PRPSAP1: variants seen among roughly 807,000 people sequenced by gnomAD.
The protein encoded by PRPSAP1 is phosphoribosyl pyrophosphate synthetase associated protein 1.
In PRPSAP1, 31 loss-of-function variants were observed where a neutral mutation model predicts 39.4. The ratio of observed to expected loss-of-function variants is 0.79; its 90% confidence interval spans 0.59 to 1.06. The LOEUF is 1.06. Among genes scored for constraint, PRPSAP1 ranks in the 50% least tolerant of loss-of-function variants. The pLI is 0.00. For synonymous variants in PRPSAP1, 212 were observed against 192.6 expected (o/e 1.10, Z -0.83); for missense variants, 430 against 511.6 (o/e 0.84, Z 1.54).
intron 3 of PRPSAP1, among the ~76,000 whole-genome samples, chr17:76,337,769 TTAATTTTTTGTATTTTTAG>T (rs1371044885): frequency 1.3e-5 from 2 of 152,036 alleles, no homozygotes. Flanking sequence ...CCATGCCTGG[TTAATTTTTTGTATTTTTAG>T]TAGAGACGGG....
At position 76,348,587 on chromosome 17, in the gene PRPSAP1, G is replaced by A. The variant is rs141258587; in HGVS notation, c.171-6C>T. ...CCAATTCAGCACCAAGGCGCCTATA[G>A]ATCAAAAAGAACAAAAAAGGGAAAT... On this transcript the variant is annotated splice_polypyrimidine_tract_variant and splice_region_variant and intron_variant, in intron 1 of 9. Coordinates refer to ENST00000446526, the MANE Select transcript of PRPSAP1 (RefSeq NM_002766.3). 5,193 of 1,528,054 alleles carry A rather than the reference G, an allele frequency of 3.4e-3. 21 individuals are homozygous for A. The highest frequency in any genetic ancestry group is 0.021 in the Middle Eastern group (124 of 5,876). 94.7% of individuals were successfully genotyped at this position (1,528,054 alleles called of 1,614,324 possible). A position where few individuals can be genotyped will look rare whatever the true frequency, so the allele number is the denominator to read the frequency against.
chr17:76,333,338 G>A (rs547837597), intron 3 of PRPSAP1, among the ~76,000 whole-genome samples: 5 of 152,176 alleles, frequency 3.3e-5, no homozygotes, highest in South Asian at 2.1e-4. Flanking sequence ...TCGAACTCCC[G>A]ACCTTAGGTG....
At chr17:76,316,870 C>T (rs771585625) in intron 7 of PRPSAP1, among the ~76,000 whole-genome samples, 21 of 152,212 alleles carry the variant, frequency 1.4e-4, no homozygotes, top group Non-Finnish European at 2.4e-4. Flanking sequence ...CCTTACCTTA[C>T]GCACGCTTCC....
intron 9 of PRPSAP1, 200 bp downstream of exon 9, chr17:76,312,670 G>A: frequency 1.9e-6 from 1 of 519,752 alleles, no homozygotes. Context: ...TCATCATAAA[G>A]TCAAAAACTT....
chr17:76,352,842 T>C (rs1372143903), intron 1 of PRPSAP1, among the ~76,000 whole-genome samples: 1 of 152,020 alleles, frequency 6.6e-6, no homozygotes, highest in African/African-American at 2.4e-5. Context: ...TCTTGCCCAC[T>C]GACACAGAGC....
intron 2 of PRPSAP1, among the ~76,000 whole-genome samples, chr17:76,345,516 G>A (rs2071490726): frequency 6.6e-6 from 1 of 151,352 alleles, no homozygotes; most frequent in South Asian, 2.1e-4. Context: ...GTCCCAGTGG[G>A]AGGATCACCT....
At chr17:76,321,409 G>C (rs1444132127) in intron 7 of PRPSAP1, among the ~76,000 whole-genome samples, 1 of 151,986 alleles carries the variant, frequency 6.6e-6, no homozygotes, top group African/African-American at 2.4e-5. Flanking sequence ...ACAAAAATTA[G>C]CTGGGTGTGG....
chr17:76,345,543 T>C (rs923242002), intron 2 of PRPSAP1, among the ~76,000 whole-genome samples: 2 of 146,852 alleles, frequency 1.4e-5, no homozygotes, highest in African/African-American at 5.1e-5. Flanking sequence ...GGGAAGGTCA[T>C]GGCTGCAGTG....
At chr17:76,331,230 A>G (rs897879087) in intron 4 of PRPSAP1, among the ~76,000 whole-genome samples, 13 of 152,222 alleles carry the variant, frequency 8.5e-5, no homozygotes, top group African/African-American at 2.4e-4. Context: ...GAAAAGGTAC[A>G]TATATATAAA....
Position 76,328,789 on chromosome 17 carries a change from C to T in PRPSAP1, c.709G>A (p.Asp237Asn), listed in dbSNP as rs776894258. 1 of 1,614,154 alleles carries T rather than the reference C, an allele frequency of 6.2e-7. No homozygotes were observed. The highest frequency in any genetic ancestry group is 8.5e-7 in the Non-Finnish European group (1 of 1,180,024). Reference protein sequence around the residue: ...IHGEAQCTELDMDDGRHSPPM... With the variant: ...IHGEAQCTELNMDDGRHSPPM... ...GGGGAGTGACGACCATCGTCCATGT[C>T]CAGTTCCGTGCACTGAGCTTCCCCG... Residue 237 changes from aspartate to asparagine, a missense_variant, in exon 7 of 10, where the codon GAC becomes AAC. Asp to Asn is a conservative substitution (Grantham distance 23). Around this residue, in one of 2 missense-constraint regions of PRPSAP1, gnomAD observed 278 missense variants for 376.3 expected, o/e 0.74. Transcript: ENST00000446526.
At chr17:76,321,691 G>A (rs1311145281) in intron 7 of PRPSAP1, among the ~76,000 whole-genome samples, 1 of 152,104 alleles carries the variant, frequency 6.6e-6, no homozygotes, top group East Asian at 1.9e-4. Flanking sequence ...TAAGTGAAAG[G>A]AAGAGCCCCA....
rs1401590615 is a variant in PRPSAP1, at chr17:76,313,029, C to G, written c.853-13G>C. On this transcript the variant is annotated splice_polypyrimidine_tract_variant and intron_variant, in intron 8 of 9. Transcript: ENST00000446526. ...CAATAATGTCATCCTGGGAGGAGAA[C>G]AGAGTGAGTTGGTAGGAAAGAAACA... 1.9e-6 allele frequency: 3 copies of G among 1,612,526 alleles called. No homozygotes were observed. The highest frequency in any genetic ancestry group is 2.5e-6 in the Non-Finnish European group (3 of 1,179,466).
chr17:76,344,865 C>G (rs2071479004), intron 2 of PRPSAP1, 128 bp from the exon 3 acceptor site: 1 of 615,446 alleles, frequency 1.6e-6, no homozygotes, highest in African/African-American at 1.9e-5. Flanking sequence ...TTTAGGAGGG[C>G]TGAGGAAAGC....
At chr17:76,352,644 C>CAAAAAAAAAAAAAAAAAAAAAAAA (rs55986677) in intron 1 of PRPSAP1, among the ~76,000 whole-genome samples, 8 of 53,566 alleles carry the variant, frequency 1.5e-4, no homozygotes, top group Non-Finnish European at 2.4e-4. Flanking sequence ...GACTCCGTCT[C>CAAAAAAAAAAAAAAAAAAAAAAAA]AAAAAAAAAA....
At chr17:76,322,269 G>A (rs2071206065) in intron 7 of PRPSAP1, among the ~76,000 whole-genome samples, 2 of 152,026 alleles carry the variant, frequency 1.3e-5, no homozygotes, top group African/African-American at 4.8e-5. Flanking sequence ...GGTGGTGTAC[G>A]CCTGTAATCC....
At chr17:76,330,725 G>T in intron 4 of PRPSAP1, 59 bp from the exon 5 acceptor site, 1 of 1,078,898 alleles carries the variant, frequency 9.3e-7, no homozygotes, top group Non-Finnish European at 1.4e-6. Context: ...GGCTACAGTG[G>T]ACCTAAACTA....
intron 7 of PRPSAP1, among the ~76,000 whole-genome samples, chr17:76,315,560 G>A (rs2071113441): frequency 6.6e-6 from 1 of 151,920 alleles, no homozygotes; most frequent in Admixed American, 6.6e-5. Flanking sequence ...CTTGAATTTG[G>A]GCAAGACAAG....
intron 3 of PRPSAP1, among the ~76,000 whole-genome samples, chr17:76,342,921 T>C (rs1467388249): frequency 1.3e-5 from 2 of 151,068 alleles, no homozygotes; most frequent in African/African-American, 2.4e-5. Context: ...CTACTAAAAA[T>C]ACAAAAAAAT....
Position 76,311,705 on chromosome 17 carries a change from TCA to T in PRPSAP1, c.1000-7_1000-6del. ...GACAGTATTCGTCACCACCACCTAG[TCA>T]CACAGTGATGGAAAACAAACGCTGT... is the stretch of plus-strand genomic sequence containing the variant. On this transcript the variant is annotated splice_polypyrimidine_tract_variant and splice_region_variant and intron_variant, in intron 9 of 9. Transcript: ENST00000446526. 1.2e-6 allele frequency: 2 copies of T among 1,611,182 alleles called. No individual in the cohort carries two copies. The highest frequency in any genetic ancestry group is 1.3e-5 in the African/African-American group (1 of 74,942).
Sources: allele counts gnomAD v4.1 joint callset (sites outside exome capture counted in the v4.1 genomes callset), GRCh38; gene constraint gnomAD v4.1.1; regional missense constraint gnomAD v4.1.1; transcripts MANE v1.5; gene names NCBI Gene and HGNC (gene_info 2026-07-23, HGNC 2026-07-21).